The following SMARCC1 variants were observed in gnomAD, a reference collection of about 807,000 sequenced individuals.
SMARCC1 encodes SWI/SNF complex subunit SMARCC1.
Under a neutral mutation model 147.4 loss-of-function variants are expected in SMARCC1, and 43 were observed. The observed-to-expected ratio is 0.29, with a 90% CI of 0.23 to 0.38. SMARCC1 has a LOEUF of 0.38. Among genes scored for constraint, SMARCC1 ranks in the 10% least tolerant of loss-of-function variants. The pLI, the probability that SMARCC1 is intolerant of heterozygous loss-of-function variation, is 1.00. For missense variants in SMARCC1, 1,119 were observed against 1,381.1 expected, an observed-to-expected ratio of 0.81 and a Z score of 3.01; for synonymous variants, 495 against 484.4, an observed-to-expected ratio of 1.02 and a Z score of -0.29.
intron 14 of SMARCC1, among the ~76,000 whole-genome samples, chr3:47,684,523 C>T (rs1359315361): frequency 6.6e-6 from 1 of 151,774 alleles, no homozygotes; most frequent in African/African-American, 2.4e-5. Context: ...TCAATGCAAC[C>T]TCTGCCTCCT....
chr3:47,590,931 C>T (rs2108223386), intron 26 of SMARCC1, 94 bp from the exon 27 acceptor site: 8 of 1,021,564 alleles, frequency 7.8e-6, no homozygotes, highest in Middle Eastern at 4.2e-4. Flanking sequence ...AAATATCCAA[C>T]CTTCCAAAGG....
rs530672765 is a variant in SMARCC1, at chr3:47,732,671, G to C, written c.576+3363C>G. The stretch of plus-strand genomic sequence containing the variant: ...AGGCTAGACAAGAGGTAGAGAGATA[G>C]AGAAGTGGCCAGTCAGTGAAGAAGT... On this transcript the variant is annotated intron_variant, in intron 5 of 27. Coordinates refer to ENST00000254480, the MANE Select transcript of SMARCC1 (RefSeq NM_003074.4). 9.2e-5 allele frequency among the ~76,000 whole-genome samples: 14 copies of C among 152,312 alleles called. No individual in the cohort carries two copies. The South Asian group carries it at 2.9e-3, about 32-fold the overall frequency.
chr3:47,631,936 G>A (rs1576393223), intron 24 of SMARCC1, among the ~76,000 whole-genome samples: 2 of 152,238 alleles, frequency 1.3e-5, no homozygotes, highest in East Asian at 3.9e-4. Context: ...GGCACTGAAG[G>A]GTTCACATGT....
intron 26 of SMARCC1, among the ~76,000 whole-genome samples, chr3:47,601,227 AG>A (rs1023350070): frequency 2.0e-5 from 3 of 151,842 alleles, no homozygotes; most frequent in Non-Finnish European, 4.4e-5. Flanking sequence ...ATTCTCTCTC[AG>A]GTTTATTGTA....
intron 2 of SMARCC1, among the ~76,000 whole-genome samples, chr3:47,751,727 AAAGG>A (rs2034631623): frequency 6.6e-6 from 1 of 152,050 alleles, no homozygotes; most frequent in Non-Finnish European, 1.5e-5. Context: ...AAATAAATAA[AAAGG>A]AATAGACGGA....
chr3:47,714,268 G>A (rs757175926), intron 8 of SMARCC1, 147 bp downstream of exon 8: 13 of 602,450 alleles, frequency 2.2e-5, no homozygotes, highest in East Asian at 9.2e-5. Context: ...GGAGGCTAAC[G>A]CACGAGAATC....
At chr3:47,603,194 G>T (rs1166683265) in intron 26 of SMARCC1, among the ~76,000 whole-genome samples, 2 of 152,096 alleles carry the variant, frequency 1.3e-5, no homozygotes, top group Non-Finnish European at 2.9e-5. Context: ...GGCTGAGGCG[G>T]GTGGATCACC....
intron 5 of SMARCC1, among the ~76,000 whole-genome samples, chr3:47,732,078 A>G (rs941408926): frequency 6.6e-6 from 1 of 152,236 alleles, no homozygotes; most frequent in African/African-American, 2.4e-5. Context: ...TTCACCAATT[A>G]TCTTTACTAA....
At chr3:47,713,002 C>A (rs2034107988) in intron 8 of SMARCC1, among the ~76,000 whole-genome samples, 1 of 152,050 alleles carries the variant, frequency 6.6e-6, no homozygotes, top group African/African-American at 2.4e-5. Context: ...ATAATTTCAA[C>A]ATTTAATTTC....
At chr3:47,706,065 TA>T (rs1444789128) in intron 10 of SMARCC1, among the ~76,000 whole-genome samples, 1 of 151,266 alleles carries the variant, frequency 6.6e-6, no homozygotes, top group Non-Finnish European at 1.5e-5. Context: ...GGACAAGTGG[TA>T]AAATCAGAAA....
intron 21 of SMARCC1, among the ~76,000 whole-genome samples, chr3:47,650,230 C>A (rs1257990096): frequency 6.7e-6 from 1 of 150,358 alleles, no homozygotes; most frequent in Admixed American, 6.6e-5. Context: ...GAGCGGAGAT[C>A]GTGCAACTGC....
At chr3:47,693,395 T>C in intron 11 of SMARCC1, 95 bp from the exon 12 acceptor site, 1 of 713,720 alleles carries the variant, frequency 1.4e-6, no homozygotes, top group Non-Finnish European at 2.5e-6. Flanking sequence ...ACGACATGCA[T>C]CTCACTACAA....
chr3:47,718,086 C>T (rs1286752070), intron 7 of SMARCC1, among the ~76,000 whole-genome samples: 1 of 141,776 alleles, frequency 7.1e-6, no homozygotes, highest in Non-Finnish European at 1.5e-5. Context: ...ATCACTTGAG[C>T]TGTCTTCATG....
Position 47,636,786 on chromosome 3 carries a change from ATATGTGTGTGTGTGTGTG to A in SMARCC1, c.2377-668_2377-651del, listed in dbSNP as rs1326203577. On this transcript the variant is annotated intron_variant, in intron 22 of 27. Transcript: ENST00000254480. Reference sequence around the variant, plus strand: ...CAACAACAACCACAACAAAATATATATATGTGTGTGTGTGTGTGTGTGTGTGTGTGTGTGTGTGTGTGT... The same window carrying A: ...CAACAACAACCACAACAAAATATATATGTGTGTGTGTGTGTGTGTGTGTGT... Among the ~76,000 whole-genome samples the A allele has an allele frequency of 7.7e-3, 1,082 of 141,022 alleles. 18 individuals carry two copies. Among genetic ancestry groups the A allele is most frequent in the African/African-American group, 0.023 (875 of 37,402 alleles). 92.5% of individuals were successfully genotyped at this position (141,022 alleles called of 152,430 possible). A position where few individuals can be genotyped will look rare whatever the true frequency, so the allele number is the denominator to read the frequency against.
At chr3:47,676,821 C>A in intron 16 of SMARCC1, 39 bp from the exon 17 acceptor site, 2 of 1,575,678 alleles carry the variant, frequency 1.3e-6, no homozygotes, top group South Asian at 2.2e-5. Context: ...TCTAAAGAAT[C>A]AACTTCATGT....
chr3:47,665,334 A>T (rs1351507503), intron 19 of SMARCC1, among the ~76,000 whole-genome samples: 1 of 152,222 alleles, frequency 6.6e-6, no homozygotes, highest in African/African-American at 2.4e-5. Flanking sequence ...AAAGATCCAG[A>T]TTGTAAGAAA....
chr3:47,631,531 A>G (rs973938650), intron 24 of SMARCC1, among the ~76,000 whole-genome samples: 1 of 152,166 alleles, frequency 6.6e-6, no homozygotes, highest in African/African-American at 2.4e-5. Context: ...CACCCAAACA[A>G]TGGTACTTCT....
intron 5 of SMARCC1, among the ~76,000 whole-genome samples, chr3:47,734,728 T>A (rs572999512): frequency 1.9e-4 from 29 of 152,310 alleles, no homozygotes; most frequent in Admixed American, 1.7e-3. Context: ...CAGAACACAG[T>A]ACTAGTACAT....
chr3:47,606,118 T>C (rs1488735397), intron 26 of SMARCC1, among the ~76,000 whole-genome samples: 1 of 152,076 alleles, frequency 6.6e-6, no homozygotes, highest in African/African-American at 2.4e-5. Flanking sequence ...AAACCTCTCA[T>C]CATGCACTGC....
Sources: allele counts gnomAD v4.1 joint callset (sites outside exome capture counted in the v4.1 genomes callset), GRCh38; gene constraint gnomAD v4.1.1; transcripts MANE v1.5; gene names NCBI Gene and HGNC (gene_info 2026-07-23, HGNC 2026-07-21).